Variants in NOL7 observed in about 807,000 individuals in gnomAD.
NOL7 encodes the protein nucleolar protein 7.
In NOL7, 36 loss-of-function variants were observed where a neutral mutation model predicts 38.4. That is an observed-to-expected ratio of 0.94 (90% confidence interval 0.72 to 1.24). The LOEUF (loss-of-function observed/expected upper bound fraction) is 1.24, where lower values mean the gene tolerates loss of function less well. Among genes scored for constraint, NOL7 ranks in the 50% most tolerant of loss-of-function variants. The pLI is 0.00. For missense variants in NOL7, 350 were observed against 315.1 expected, an observed-to-expected ratio of 1.11 and a Z score of -0.84; for synonymous variants, 142 against 126.5, an observed-to-expected ratio of 1.12 and a Z score of -0.82.
At chr6:13,627,004 C>G (rs753650381) in intron 8 of NOL7, among the ~76,000 whole-genome samples, 4 of 152,204 alleles carry the variant, frequency 2.6e-5, no homozygotes, top group African/African-American at 9.6e-5. Flanking sequence ...CGTGCCTCTA[C>G]GCAAACACAC....
At position 13,616,540 on chromosome 6, in the gene NOL7, T is replaced by C. The variant is rs1249895715; in HGVS notation, c.386+19T>C. ...AGACTAAGTAAGTAATGGATCTTTT[T>C]ATATTACTTGCTTATATACACCCAT... On this transcript the variant is annotated intron_variant, in intron 3 of 7. Coordinates refer to ENST00000451315, the MANE Select transcript of NOL7 (RefSeq NM_016167.5). 1 of 1,555,726 alleles carries C rather than the reference T, an allele frequency of 6.4e-7. No individual in the cohort carries two copies. The highest frequency in any genetic ancestry group is 8.8e-7 in the Non-Finnish European group (1 of 1,132,440).
At chr6:13,632,255 A>G in intron 8 of NOL7, 4 of 959,116 alleles carry the variant, frequency 4.2e-6, no homozygotes, top group Non-Finnish European at 6.0e-6. Flanking sequence ...AGCCAGGGGG[A>G]AGGTCAGGTC....
At position 13,615,402 on chromosome 6, in the gene NOL7, C is replaced by A. The variant is rs1481739173; in HGVS notation, c.44C>A (p.Ala15Glu). The change falls in exon 1 of 8, where the codon GCG (alanine) becomes GAG (glutamate). Residue 15 changes from alanine (A) to glutamate (E), a missense_variant. By Grantham distance (107) the Ala-to-Glu change is moderately radical. Coordinates refer to ENST00000451315, the MANE Select transcript of NOL7 (RefSeq NM_016167.5). ...RPRASRAPAS[A>E]EAMVDEGQLA... ...CGAGCGTCTCGCGCCCCGGCGTCGGCGGAGGCGATGGTGGACGAGGGCCAG... is the reference window on the plus strand; with the variant it reads ...CGAGCGTCTCGCGCCCCGGCGTCGGAGGAGGCGATGGTGGACGAGGGCCAG... The A allele has an allele frequency of 1.1e-5, 17 of 1,536,388 alleles. No homozygotes were observed. In the Admixed American group the frequency reaches 3.5e-4, roughly 32 times the overall value.
chr6:13,617,373 GTC>G (rs1364026249), intron 3 of NOL7, among the ~76,000 whole-genome samples: 1 of 152,042 alleles, frequency 6.6e-6, no homozygotes. Flanking sequence ...GCTGTTCCCT[GTC>G]TCCTGTGCCT....
chr6:13,620,928 A>G lies in NOL7; in HGVS notation c.*101A>G, dbSNP rs1035230672. 10 of 751,416 alleles carry G rather than the reference A, an allele frequency of 1.3e-5. No homozygotes were observed. The highest frequency in any genetic ancestry group is 5.3e-5 in the African/African-American group (3 of 56,476). The allele number at this position is 751,416 out of a possible 1,614,324, so 46.5% of individuals were successfully genotyped here. ...GGATCATTATAAAAATCATAAACCT[A>G]TTTGAGGAAGTGCTCAACCACATTT... On this transcript the variant is annotated 3_prime_UTR_variant, in exon 8 of 8. Coordinates refer to ENST00000451315, the MANE Select transcript of NOL7 (RefSeq NM_016167.5).
intron 5 of NOL7, 70 bp from the exon 6 acceptor site, chr6:13,620,134 CTCTG>C: frequency 6.6e-7 from 1 of 1,510,694 alleles, no homozygotes; most frequent in Non-Finnish European, 8.9e-7. Flanking sequence ...CAGAGCGAGA[CTCTG>C]TCTCAGGAAG....
chr6:13,630,585 G>A (rs377417473), intron 8 of NOL7, among the ~76,000 whole-genome samples: 1 of 151,876 alleles, frequency 6.6e-6, no homozygotes, highest in African/African-American at 2.4e-5. Context: ...GTATGATTCA[G>A]GGACACCTGG....
intron 3 of NOL7, 63 bp from the exon 4 acceptor site, chr6:13,617,702 AATAAT>A: frequency 2.0e-6 from 3 of 1,465,110 alleles, no homozygotes; most frequent in East Asian, 2.3e-5. Context: ...AGGCAAATGA[AATAAT>A]ATAACATGTT....
chr6:13,620,513 CT>C (rs1562291647), intron 7 of NOL7, 28 bp downstream of exon 7: 1 of 1,580,500 alleles, frequency 6.3e-7, no homozygotes, highest in Admixed American at 1.7e-5. Flanking sequence ...TCTCCTGTCT[CT>C]AATAGCTTTA....
chr6:13,618,491 C>T (rs1764349458), intron 5 of NOL7, among the ~76,000 whole-genome samples: 2 of 152,140 alleles, frequency 1.3e-5, no homozygotes, highest in South Asian at 4.1e-4. Flanking sequence ...TCATGATCCA[C>T]CCGCCTCGGC....
Position 13,615,561 on chromosome 6 carries a change from C to T in NOL7, c.203C>T (p.Thr68Ile), listed in dbSNP as rs1157409370. The change falls in exon 1 of 8, where the codon ACT (threonine) becomes ATT (isoleucine). Residue 68 changes from threonine (T) to isoleucine (I), a missense_variant. Physicochemically the swap from Thr to Ile is moderately conservative, Grantham distance 89. Coordinates refer to ENST00000451315, the MANE Select transcript of NOL7 (RefSeq NM_016167.5). ...GACGATGAGGCCCCGGAGGAGCTGA[C>T]TTTCGCCAGCGCCCAGGCGGAAGCG... ...EFDDEAPEELTFASAQAEARE... is the reference protein window; with the variant it reads ...EFDDEAPEELIFASAQAEARE... The T allele has an allele frequency of 6.4e-6, 10 of 1,565,666 alleles. No individual in the cohort carries two copies. The highest frequency in any genetic ancestry group is 3.8e-5 in the Admixed American group (2 of 52,256).
chr6:13,631,526 G>A lies in NOL7; in HGVS notation n.574-867G>A, dbSNP rs991800797. ...GAGCACTTCAGATTTTCGGACTAGG[G>A]ATACTCAACCTGTACTAACTTTCAG... is the stretch of plus-strand genomic sequence containing the variant. On this transcript the variant is annotated intron_variant and non_coding_transcript_variant, in intron 8 of 8. Coordinates refer to the NOL7 transcript ENST00000474485. Among the ~76,000 whole-genome samples, 6 of 152,122 alleles carry A rather than the reference G, an allele frequency of 3.9e-5. No homozygotes were observed. The East Asian group carries it at 5.8e-4, about 15-fold the overall frequency.
At chr6:13,619,783 T>TA in intron 5 of NOL7, among the ~76,000 whole-genome samples, 1 of 152,354 alleles carries the variant, frequency 6.6e-6, no homozygotes, top group Admixed American at 6.5e-5. Context: ...GTAGTCCTTG[T>TA]AATTTAGTTT....
chr6:13,622,164 A>T (rs937054434), downstream of NOL7: 3 of 430,880 alleles, frequency 7.0e-6, no homozygotes, highest in Non-Finnish European at 7.5e-6. Context: ...CTAAGAGGTT[A>T]AAGATGGAAA....
At position 13,620,697 on chromosome 6, in the gene NOL7, A is replaced by G. The variant is rs1764419981; in HGVS notation, c.701-57A>G. On this transcript the variant is annotated intron_variant, in intron 7 of 7. Coordinates refer to ENST00000451315, the MANE Select transcript of NOL7 (RefSeq NM_016167.5). The stretch of plus-strand genomic sequence containing the variant: ...AATTACATTCATATAGAGTAATTAA[A>G]AAAATTTTGAATTATGTTTTTCTAA... 3 of 1,242,676 alleles carry G rather than the reference A, an allele frequency of 2.4e-6. No individual in the cohort carries two copies. The East Asian group carries it at 7.5e-5, about 31-fold the overall frequency. 77.0% of individuals were successfully genotyped at this position (1,242,676 alleles called of 1,614,324 possible).
At chr6:13,622,052 AAAG>A (rs1249175473), downstream of NOL7, 2 of 165,842 alleles carry the variant, frequency 1.2e-5, no homozygotes, top group Non-Finnish European at 1.3e-5. Flanking sequence ...CCTCCCCCAC[AAAG>A]AAGGCAGGAT....
chr6:13,622,372 T>C (rs762620388), downstream of NOL7: 22 of 1,582,690 alleles, frequency 1.4e-5, no homozygotes, highest in Middle Eastern at 1.7e-4. Context: ...CTAATGTAGG[T>C]AGTCTTCCAC....
intron 5 of NOL7, among the ~76,000 whole-genome samples, chr6:13,619,662 G>A (rs1387355283): frequency 2.1e-4 from 32 of 152,114 alleles, no homozygotes; most frequent in Admixed American, 2.0e-3. Context: ...GTATATTTTA[G>A]TACAAAAGTC....
At chr6:13,625,892 T>C (rs1764588148), downstream of NOL7, 1 of 603,780 alleles carries the variant, frequency 1.7e-6, no homozygotes, top group Non-Finnish European at 3.0e-6. Context: ...TAAACCCATT[T>C]ACTCCCAGCA....
Sources: gnomAD v4.1 joint callset for allele counts (sites outside exome capture counted in the v4.1 genomes callset) on GRCh38, gnomAD v4.1.1 for gene constraint, MANE v1.5 for transcripts, NCBI Gene and HGNC (gene_info 2026-07-23, HGNC 2026-07-21) for gene names.